GPR137C: variants seen among roughly 807,000 people sequenced by gnomAD.
GPR137C encodes the protein G protein-coupled receptor 137C.
In GPR137C, 27 loss-of-function variants were observed where a neutral mutation model predicts 43.4. The ratio of observed to expected loss-of-function variants is 0.62; its 90% CI spans 0.46 to 0.86. GPR137C has a LOEUF of 0.86. Among genes scored for constraint, GPR137C ranks in the 40% least tolerant of loss-of-function variants. GPR137C has a pLI of 0.00. For missense variants in GPR137C, 522 were observed against 534.6 expected (o/e 0.98, Z 0.23); for synonymous variants, 285 against 226.9 (o/e 1.26, Z -2.30).
At chr14:52,570,214 T>A (rs2038444009) in intron 1 of GPR137C, among the ~76,000 whole-genome samples, 1 of 152,116 alleles carries the variant, frequency 6.6e-6, no homozygotes. Context: ...AGAAAAGAAT[T>A]TTCAACCCAG....
chr14:52,597,737 T>G (rs17125579), intron 1 of GPR137C, among the ~76,000 whole-genome samples: 1,544 of 152,304 alleles, frequency 0.01, 25 homozygotes, highest in African/African-American at 0.035. Flanking sequence ...ATTCAACAAG[T>G]ATCTGAGCAC....
At chr14:52,555,549 A>G (rs2038179976) in intron 1 of GPR137C, among the ~76,000 whole-genome samples, 1 of 152,218 alleles carries the variant, frequency 6.6e-6, no homozygotes, top group African/African-American at 2.4e-5. Context: ...CTTATATAGC[A>G]TAGAATACAC....
chr14:52,555,387 C>T (rs1173733277), intron 1 of GPR137C, among the ~76,000 whole-genome samples: 1 of 152,156 alleles, frequency 6.6e-6, no homozygotes, highest in Admixed American at 6.5e-5. Context: ...CCCATGTTAC[C>T]ACCACCCAGA....
At chr14:52,590,859 T>A (rs754980997) in intron 1 of GPR137C, among the ~76,000 whole-genome samples, 1 of 152,148 alleles carries the variant, frequency 6.6e-6, no homozygotes, top group Non-Finnish European at 1.5e-5. Context: ...ATACTTAAAG[T>A]TCTAGGATAC....
chr14:52,599,434 CT>C (rs376009711), intron 2 of GPR137C, among the ~76,000 whole-genome samples: 15,824 of 139,540 alleles, frequency 0.11, 965 homozygotes, highest in East Asian at 0.36. Context: ...TTTTTTTTTC[CT>C]TTTTTTTTTT....
intron 3 of GPR137C, among the ~76,000 whole-genome samples, chr14:52,624,692 C>T (rs2039200866): frequency 6.7e-6 from 1 of 150,356 alleles, no homozygotes; most frequent in Non-Finnish European, 1.5e-5. Context: ...CCACTGCACT[C>T]CATCCAACGC....
intron 1 of GPR137C, among the ~76,000 whole-genome samples, chr14:52,578,770 C>G (rs10133850): frequency 6.6e-6 from 1 of 151,916 alleles, no homozygotes; most frequent in Admixed American, 6.6e-5. Flanking sequence ...GTGGCAAAAC[C>G]GTGTCTCTAC....
At chr14:52,566,544 TA>T (rs1296274985) in intron 1 of GPR137C, among the ~76,000 whole-genome samples, 1 of 152,198 alleles carries the variant, frequency 6.6e-6, no homozygotes, top group Non-Finnish European at 1.5e-5. Context: ...GGCATTTTTT[TA>T]AAAAATCTAT....
At chr14:52,628,683 C>A (rs956265390) in intron 3 of GPR137C, among the ~76,000 whole-genome samples, 4 of 152,230 alleles carry the variant, frequency 2.6e-5, no homozygotes, top group African/African-American at 9.6e-5. Flanking sequence ...GTAATCCCAG[C>A]TACTCGGGAG....
chr14:52,605,614 T>TAA (rs2038975504), intron 3 of GPR137C, among the ~76,000 whole-genome samples: 3 of 152,222 alleles, frequency 2.0e-5, no homozygotes, highest in African/African-American at 7.2e-5. Flanking sequence ...TGGGCATCCT[T>TAA]ATGTTGTTCC....
intron 1 of GPR137C, among the ~76,000 whole-genome samples, chr14:52,588,423 G>T (rs1250379951): frequency 1.3e-5 from 2 of 152,164 alleles, no homozygotes; most frequent in Non-Finnish European, 2.9e-5. Flanking sequence ...GGGATTACAG[G>T]CATGAGCCAC....
At chr14:52,633,772 T>G in intron 5 of GPR137C, 56 bp from the exon 6 acceptor site, 2 of 1,520,374 alleles carry the variant, frequency 1.3e-6, no homozygotes, top group Non-Finnish European at 1.8e-6. Flanking sequence ...GATTCTAGCC[T>G]CCTTTCTTAG....
chr14:52,614,194 C>T (rs950187566), intron 3 of GPR137C, among the ~76,000 whole-genome samples: 1 of 151,358 alleles, frequency 6.6e-6, no homozygotes, highest in Non-Finnish European at 1.5e-5. Flanking sequence ...GATCTCAGCT[C>T]CCCGCAGCCT....
At chr14:52,584,673 G>A (rs997840307) in intron 1 of GPR137C, among the ~76,000 whole-genome samples, 8 of 152,056 alleles carry the variant, frequency 5.3e-5, no homozygotes, top group African/African-American at 9.7e-5. Flanking sequence ...GTGCAGTAGC[G>A]CAATCATAAC....
Position 52,610,955 on chromosome 14 carries a change from T to C in GPR137C, c.717+10614T>C, listed in dbSNP as rs2039032582. Among the ~76,000 whole-genome samples, 3 of 152,186 alleles carry C rather than the reference T, an allele frequency of 2.0e-5. No homozygotes were observed. In the South Asian group the frequency reaches 6.2e-4, roughly 31 times the overall value. Reference sequence around the variant, plus strand: ...AATCTTTTAGGTGTGTATTTTTATATAGGTTTTAATTTACATGGATATGTT... The same window carrying C: ...AATCTTTTAGGTGTGTATTTTTATACAGGTTTTAATTTACATGGATATGTT... On this transcript the variant is annotated intron_variant, in intron 3 of 6. Transcript: ENST00000321662.
At chr14:52,589,974 G>A (rs1481604239) in intron 1 of GPR137C, among the ~76,000 whole-genome samples, 1 of 152,038 alleles carries the variant, frequency 6.6e-6, no homozygotes, top group East Asian at 1.9e-4. Flanking sequence ...ATTTTAGAAT[G>A]GCTTTCTACT....
At chr14:52,577,687 G>A (rs747519820) in intron 1 of GPR137C, among the ~76,000 whole-genome samples, 2 of 151,542 alleles carry the variant, frequency 1.3e-5, no homozygotes, top group African/African-American at 2.4e-5. Context: ...AAACTTAGGG[G>A]TGCAGTGGCT....
intron 1 of GPR137C, among the ~76,000 whole-genome samples, chr14:52,577,920 G>T (rs965897169): frequency 6.6e-6 from 1 of 151,942 alleles, no homozygotes; most frequent in Non-Finnish European, 1.5e-5. Context: ...AACTGAGATC[G>T]TGCCACTGCG....
chr14:52,586,233 C>G (rs528231589), intron 1 of GPR137C, among the ~76,000 whole-genome samples: 1 of 152,166 alleles, frequency 6.6e-6, no homozygotes, highest in Non-Finnish European at 1.5e-5. Context: ...CATGCAAACC[C>G]CTTTGCTCAG....
Sources: gnomAD v4.1 joint callset for allele counts (sites outside exome capture counted in the v4.1 genomes callset) on GRCh38, gnomAD v4.1.1 for gene constraint, MANE v1.5 for transcripts, NCBI Gene and HGNC (gene_info 2026-07-23, HGNC 2026-07-21) for gene names.